The following RABGAP1L variants were observed in gnomAD, a reference collection of about 807,000 sequenced individuals.
RABGAP1L encodes the protein rab GTPase-activating protein 1-like.
A neutral mutation model predicts 137.7 loss-of-function variants in RABGAP1L; 63 were observed. The ratio of observed to expected loss-of-function variants is 0.46; its 90% CI spans 0.37 to 0.56. The LOEUF (loss-of-function observed/expected upper bound fraction) is 0.56, where lower values mean the gene tolerates loss of function less well. Ranked by LOEUF, RABGAP1L falls within the 20% of genes least tolerant of loss-of-function variation. The pLI is 0.00. For missense variants in RABGAP1L, 1,095 were observed against 1,244.0 expected (o/e 0.88, Z 1.80); for synonymous variants, 431 against 433.7 (o/e 0.99, Z 0.08).
Position 174,220,966 on chromosome 1 carries a change from C to A in RABGAP1L, c.139-6C>A. The stretch of plus-strand genomic sequence containing the variant: ...TTGAAACAGAATTGTCTTGCTGTGT[C>A]TGTAGATAGTTTCTAATGGTGATGA... On this transcript the variant is annotated splice_region_variant and splice_polypyrimidine_tract_variant and intron_variant, in intron 2 of 25. Coordinates refer to ENST00000681986, the MANE Select transcript of RABGAP1L (RefSeq NM_001366446.1). The A allele has an allele frequency of 6.3e-7, 1 of 1,599,462 alleles. No homozygotes were observed. The highest frequency in any genetic ancestry group is 1.7e-5 in the Admixed American group (1 of 58,182).
At chr1:174,468,313 TAGAG>T (rs951783980) in intron 13 of RABGAP1L, among the ~76,000 whole-genome samples, 3 of 152,138 alleles carry the variant, frequency 2.0e-5, no homozygotes, top group Non-Finnish European at 4.4e-5. Context: ...TAATTTATAA[TAGAG>T]GGATTGTTAT....
intron 12 of RABGAP1L, among the ~76,000 whole-genome samples, chr1:174,381,144 G>C (rs1686105956): frequency 7.7e-6 from 1 of 130,326 alleles, no homozygotes; most frequent in Admixed American, 7.8e-5. Flanking sequence ...TTGCACTGTG[G>C]TCTGAGAGAT....
At chr1:174,542,279 T>C (rs1486515563) in intron 13 of RABGAP1L, among the ~76,000 whole-genome samples, 4 of 152,234 alleles carry the variant, frequency 2.6e-5, no homozygotes, top group Non-Finnish European at 5.9e-5. Context: ...GAGCCTTTTA[T>C]TGGACTATTC....
chr1:174,714,671 G>A (rs1430053313), intron 17 of RABGAP1L, among the ~76,000 whole-genome samples: 1 of 152,208 alleles, frequency 6.6e-6, no homozygotes, highest in East Asian at 1.9e-4. Flanking sequence ...TGTAAAGATA[G>A]AGGAAATCCA....
intron 19 of RABGAP1L, among the ~76,000 whole-genome samples, chr1:174,898,970 C>T (rs1212473720): frequency 6.6e-6 from 1 of 151,986 alleles, no homozygotes; most frequent in Non-Finnish European, 1.5e-5. Flanking sequence ...GTGCTAAATC[C>T]TCTGGGAACA....
chr1:174,697,609 G>A (rs1182180862), intron 15 of RABGAP1L, among the ~76,000 whole-genome samples: 5 of 152,088 alleles, frequency 3.3e-5, no homozygotes, highest in Non-Finnish European at 7.4e-5. Context: ...GTGAGCCACC[G>A]CGCCCGGCCT....
intron 21 of RABGAP1L, among the ~76,000 whole-genome samples, chr1:174,971,217 A>G (rs941656748): frequency 1.3e-5 from 2 of 151,454 alleles, no homozygotes; most frequent in Non-Finnish European, 2.9e-5. Context: ...TGGAACTTTT[A>G]AAAATCAGAA....
At chr1:174,615,430 C>G (rs1030305531) in intron 13 of RABGAP1L, among the ~76,000 whole-genome samples, 16 of 152,184 alleles carry the variant, frequency 1.1e-4, no homozygotes, top group African/African-American at 3.6e-4. Flanking sequence ...GATCGTTACT[C>G]TGGAAGTTTT....
intron 13 of RABGAP1L, among the ~76,000 whole-genome samples, chr1:174,570,162 G>A (rs543464534): frequency 6.6e-6 from 1 of 152,268 alleles, no homozygotes; most frequent in South Asian, 2.1e-4. Context: ...TAAAGTATTG[G>A]CTGGAACTGA....
chr1:174,976,307 A>G, intron 22 of RABGAP1L, 125 bp downstream of exon 22: 3 of 787,432 alleles, frequency 3.8e-6, no homozygotes, highest in Non-Finnish European at 6.0e-6. Context: ...TAATGTAAGT[A>G]GTTGAGTGTA....
chr1:174,354,425 T>A (rs993685991), intron 11 of RABGAP1L, among the ~76,000 whole-genome samples: 2 of 152,212 alleles, frequency 1.3e-5, no homozygotes, highest in Admixed American at 6.5e-5. Flanking sequence ...ACTAATTCTT[T>A]CTGTAGCTAT....
intron 13 of RABGAP1L, among the ~76,000 whole-genome samples, chr1:174,435,671 A>G (rs1421431590): frequency 1.3e-5 from 2 of 151,812 alleles, no homozygotes; most frequent in African/African-American, 4.8e-5. Flanking sequence ...TATTATTATT[A>G]TACTTTAAGT....
intron 19 of RABGAP1L, among the ~76,000 whole-genome samples, chr1:174,885,898 C>T (rs749323921): frequency 3.5e-4 from 53 of 151,398 alleles, no homozygotes; most frequent in Admixed American, 5.9e-4. Flanking sequence ...ACCTGGGAGG[C>T]GGAGCTTGCA....
chr1:174,238,507 G>T (rs1011743133), intron 4 of RABGAP1L, among the ~76,000 whole-genome samples: 9 of 152,036 alleles, frequency 5.9e-5, no homozygotes, highest in African/African-American at 2.2e-4. Context: ...TCAGCTGCAG[G>T]TCTGTTGGAA....
chr1:174,740,592 T>C (rs1016018265), intron 17 of RABGAP1L, among the ~76,000 whole-genome samples: 52 of 152,308 alleles, frequency 3.4e-4, no homozygotes, highest in Middle Eastern at 6.8e-3. Context: ...TTGAGTCGAT[T>C]CCCAGTAGTG....
intron 14 of RABGAP1L, among the ~76,000 whole-genome samples, chr1:174,664,243 A>G (rs961898514): frequency 1.3e-5 from 2 of 152,198 alleles, no homozygotes; most frequent in East Asian, 1.9e-4. Context: ...GAACATAAGT[A>G]TTAAGAATGA....
intron 7 of RABGAP1L, among the ~76,000 whole-genome samples, chr1:174,260,959 T>C (rs1184574403): frequency 2.0e-5 from 3 of 151,906 alleles, no homozygotes; most frequent in Non-Finnish European, 4.4e-5. Context: ...TCAAGACAAA[T>C]AATACCATAT....
chr1:174,534,775 CAAAAAAAAAAAAAA>C (rs71117567), intron 13 of RABGAP1L, among the ~76,000 whole-genome samples: 6 of 71,624 alleles, frequency 8.4e-5, no homozygotes, highest in Admixed American at 1.8e-4. Flanking sequence ...ACTCTGTCTC[CAAAAAAAAAAAAAA>C]AAAAAAAAAA....
In RABGAP1L at chr1:174,278,760, T is replaced by A. The variant is rs1455882085; in HGVS notation, c.1304T>A (p.Phe435Tyr). 26 of 1,572,480 alleles carry A rather than the reference T, an allele frequency of 1.7e-5. No homozygotes were observed. Among genetic ancestry groups the A allele is most frequent in the Non-Finnish European group, 2.2e-5 (26 of 1,165,242 alleles). Residue 435 changes from phenylalanine (F) to tyrosine (Y), a missense_variant, in exon 10 of 26, where the codon TTC (phenylalanine) becomes TAC (tyrosine). Coordinates refer to ENST00000681986, the MANE Select transcript of RABGAP1L (RefSeq NM_001366446.1). Reference protein sequence around the residue: ...YFSRKTFTETFFMRLKQSEGK... With the variant: ...YFSRKTFTETYFMRLKQSEGK... ...AGCAGAAAGACTTTCACAGAGACTT[T>A]CTTCATGAGATTGAAACAGGTAGGA...
Sources: gnomAD v4.1 joint callset for allele counts (sites outside exome capture counted in the v4.1 genomes callset) on GRCh38, gnomAD v4.1.1 for gene constraint, MANE v1.5 for transcripts, NCBI Gene and HGNC (gene_info 2026-07-23, HGNC 2026-07-21) for gene names.